MARCHF3: variants seen among roughly 807,000 people sequenced by gnomAD.
The protein encoded by MARCHF3 is E3 ubiquitin-protein ligase MARCHF3.
Under a neutral mutation model 24.2 loss-of-function variants are expected in MARCHF3, and 13 were observed. The observed-to-expected ratio is 0.54, with a 90% CI of 0.35 to 0.85. MARCHF3 has a LOEUF of 0.85. MARCHF3 is among the 40% of genes least tolerant of loss of function. MARCHF3 has a pLI of 0.01. For missense variants in MARCHF3, 276 were observed against 325.0 expected (o/e 0.85, Z 1.16); for synonymous variants, 144 against 137.3 (o/e 1.05, Z -0.34).
intron 3 of MARCHF3, among the ~76,000 whole-genome samples, chr5:126,893,068 T>C (rs868079774): frequency 5.3e-5 from 8 of 151,986 alleles, no homozygotes; most frequent in African/African-American, 1.9e-4. Flanking sequence ...TTTTCTAGTT[T>C]ATTTGCGTAG....
chr5:126,875,031 T>A (rs1249271066), intron 4 of MARCHF3, among the ~76,000 whole-genome samples: 1 of 152,204 alleles, frequency 6.6e-6, no homozygotes, highest in African/African-American at 2.4e-5. Flanking sequence ...AAAGACTTCC[T>A]GTACATGGTG....
chr5:127,005,714 T>C (rs1287728038), intron 1 of MARCHF3, among the ~76,000 whole-genome samples: 1 of 151,982 alleles, frequency 6.6e-6, no homozygotes, highest in Non-Finnish European at 1.5e-5. Context: ...TAGCCTAGAG[T>C]AGAAATCTTC....
In MARCHF3 at chr5:126,918,118, G is replaced by A. The variant is rs62637567; in HGVS notation, c.54C>T (p.Ser18=). 0.015 allele frequency: 23,898 copies of A among 1,614,184 alleles called. 259 individuals are homozygous for A. The highest frequency in any genetic ancestry group is 0.016 in the Non-Finnish European group (18,625 of 1,180,028). Residue 18 remains serine, a synonymous_variant, in exon 2 of 5, where the codon AGC becomes AGT. Coordinates refer to ENST00000308660, the MANE Select transcript of MARCHF3 (RefSeq NM_178450.5). The stretch of plus-strand genomic sequence containing the variant: ...CCGTCTTCACCACGGGTGCAGCTGA[G>A]CTGGTGCAGTCTGGCAGGACTTCGG... ...HLPEVLPDCT[S]SAAPVVKTVE...
At chr5:126,971,964 T>A (rs932390467) in intron 1 of MARCHF3, among the ~76,000 whole-genome samples, 6 of 152,162 alleles carry the variant, frequency 3.9e-5, no homozygotes, top group African/African-American at 1.4e-4. Flanking sequence ...GGAGGCAAAT[T>A]AGAGCAATTA....
chr5:126,939,323 G>C (rs1252571036), intron 1 of MARCHF3, among the ~76,000 whole-genome samples: 1 of 152,166 alleles, frequency 6.6e-6, no homozygotes, highest in Non-Finnish European at 1.5e-5. Context: ...GTTCCCTAAA[G>C]TGTTATAAGT....
chr5:127,022,967 C>A (rs1752856721), intron 1 of MARCHF3, among the ~76,000 whole-genome samples: 1 of 152,170 alleles, frequency 6.6e-6, no homozygotes, highest in Non-Finnish European at 1.5e-5. Flanking sequence ...AAAAGGCTAT[C>A]CTAATGGCCT....
intron 3 of MARCHF3, among the ~76,000 whole-genome samples, chr5:126,894,914 T>G (rs1753821095): frequency 6.6e-6 from 1 of 152,008 alleles, no homozygotes; most frequent in Non-Finnish European, 1.5e-5. Flanking sequence ...TTTTCCAACT[T>G]GGTTCCATTC....
At chr5:126,875,368 C>T (rs1472846951) in intron 4 of MARCHF3, among the ~76,000 whole-genome samples, 3 of 152,194 alleles carry the variant, frequency 2.0e-5, no homozygotes, top group East Asian at 1.9e-4. Flanking sequence ...CACTCTGAGG[C>T]GTGCAGCGTG....
At chr5:126,887,979 AGGGAAGCTCTGTTAGTACATGAG>A (rs1160088513) in intron 3 of MARCHF3, among the ~76,000 whole-genome samples, 2 of 152,194 alleles carry the variant, frequency 1.3e-5, no homozygotes, top group African/African-American at 4.8e-5. Context: ...TCTCCCCAGC[AGGGAAGCTCTGTTAGTACATGAG>A]ATTCTTCTGG....
chr5:126,958,465 T>C (rs932756174), intron 1 of MARCHF3, among the ~76,000 whole-genome samples: 11 of 152,210 alleles, frequency 7.2e-5, no homozygotes, highest in African/African-American at 2.7e-4. Context: ...CTTAAACTTC[T>C]AAAAGCCCAC....
chr5:126,948,893 AT>A (rs1306282954), intron 1 of MARCHF3, among the ~76,000 whole-genome samples: 1 of 152,144 alleles, frequency 6.6e-6, no homozygotes, highest in Non-Finnish European at 1.5e-5. Flanking sequence ...GATAGGTAGC[AT>A]TTGTCCCCTG....
intron 3 of MARCHF3, among the ~76,000 whole-genome samples, chr5:126,895,391 T>C (rs928429223): frequency 2.0e-5 from 3 of 152,084 alleles, no homozygotes; most frequent in African/African-American, 7.2e-5. Flanking sequence ...GCGCTCTGCT[T>C]TTTTAGAGTT....
At chr5:126,961,968 GC>G (rs974137127) in intron 1 of MARCHF3, among the ~76,000 whole-genome samples, 2 of 152,160 alleles carry the variant, frequency 1.3e-5, no homozygotes, top group Non-Finnish European at 1.5e-5. Context: ...ATATGGACAA[GC>G]TTGAGAGTGA....
At position 127,001,285 on chromosome 5, in the gene MARCHF3, C is replaced by T. The variant is rs143928969; in HGVS notation, c.-57+29065G>A. On this transcript the variant is annotated intron_variant, in intron 1 of 4. Coordinates refer to ENST00000308660, the MANE Select transcript of MARCHF3 (RefSeq NM_178450.5). ...GTAGAACTACACAGGATTTCCAATGCCATTTGACAAAGAAGGTAGGAATTT... is the reference window on the plus strand; with the variant it reads ...GTAGAACTACACAGGATTTCCAATGTCATTTGACAAAGAAGGTAGGAATTT... Among the ~76,000 whole-genome samples, 44 of 151,798 alleles carry T rather than the reference C, an allele frequency of 2.9e-4. 1 individual carries two copies. The East Asian group carries it at 7.8e-3, about 27-fold the overall frequency.
intron 1 of MARCHF3, among the ~76,000 whole-genome samples, chr5:126,925,387 T>C (rs1394901542): frequency 2.0e-5 from 3 of 152,208 alleles, no homozygotes; most frequent in Non-Finnish European, 2.9e-5. Flanking sequence ...ATCCAAAATA[T>C]CAGACAGATC....
At chr5:126,871,990 C>T (rs1293261922) in intron 4 of MARCHF3, among the ~76,000 whole-genome samples, 2 of 151,270 alleles carry the variant, frequency 1.3e-5, no homozygotes, top group Non-Finnish European at 1.5e-5. Context: ...GGATTACAGG[C>T]GTGAGCCACT....
At position 126,912,544 on chromosome 5, in the gene MARCHF3, C is replaced by A. The variant is rs190992874; in HGVS notation, c.393+2386G>T. On this transcript the variant is annotated intron_variant, in intron 3 of 4. Coordinates refer to ENST00000308660, the MANE Select transcript of MARCHF3 (RefSeq NM_178450.5). ...GAAATAAAGTAACACTAATCTTAAT[C>A]CTTAACCCAAATAGGCAGGTTTTGC... Among the ~76,000 whole-genome samples the A allele has an allele frequency of 6.0e-4, 91 of 152,138 alleles. 1 individual carries two copies. Among genetic ancestry groups the A allele is most frequent in the Non-Finnish European group, 4.0e-4 (27 of 68,022 alleles).
intron 3 of MARCHF3, among the ~76,000 whole-genome samples, chr5:126,907,888 G>A (rs1239031461): frequency 5.3e-5 from 8 of 151,356 alleles, no homozygotes; most frequent in East Asian, 1.9e-4. Context: ...TATTTTGCTC[G>A]TTAGTTGATG....
intron 1 of MARCHF3, among the ~76,000 whole-genome samples, chr5:126,941,756 G>A (rs1258957325): frequency 6.6e-6 from 1 of 152,226 alleles, no homozygotes; most frequent in Non-Finnish European, 1.5e-5. Context: ...GGAGCTGCCA[G>A]CAGGTACCCT....
Sources: allele counts gnomAD v4.1 joint callset (sites outside exome capture counted in the v4.1 genomes callset), GRCh38; gene constraint gnomAD v4.1.1; transcripts MANE v1.5; gene names NCBI Gene and HGNC (gene_info 2026-07-23, HGNC 2026-07-21).